DDAH1: variants seen among roughly 807,000 people sequenced by gnomAD.
The protein encoded by DDAH1 is dimethylarginine dimethylaminohydrolase 1, also known as N(G),N(G)-dimethylarginine dimethylaminohydrolase 1.
DDAH1 carries 19 observed loss-of-function variants against 28.8 expected under a neutral mutation model. That is an observed-to-expected ratio of 0.66 (90% CI 0.46 to 0.97). The LOEUF is 0.97. Among genes scored for constraint, DDAH1 ranks in the 50% least tolerant of loss-of-function variants. DDAH1 has a pLI of 0.00. For missense variants in DDAH1, 326 were observed against 375.9 expected, an observed-to-expected ratio of 0.87 and a Z score of 1.10; for synonymous variants, 153 against 154.4, an observed-to-expected ratio of 0.99 and a Z score of 0.07.
At chr1:85,335,854 TGGAA>T (rs1425779029) in intron 4 of DDAH1, among the ~76,000 whole-genome samples, 1 of 151,976 alleles carries the variant, frequency 6.6e-6, no homozygotes. Flanking sequence ...TTCAGCTGCT[TGGAA>T]GGCTGAGGTG....
intron 1 of DDAH1, among the ~76,000 whole-genome samples, chr1:85,575,460 C>T (rs1659575358): frequency 6.6e-6 from 1 of 152,142 alleles, no homozygotes; most frequent in Non-Finnish European, 1.5e-5. Flanking sequence ...TCTTCCCCAC[C>T]AGCCTGCCAA....
intron 1 of DDAH1, among the ~76,000 whole-genome samples, chr1:85,430,197 T>A (rs889675251): frequency 1.3e-5 from 2 of 152,186 alleles, no homozygotes; most frequent in Non-Finnish European, 2.9e-5. Flanking sequence ...TTGTCAAAGA[T>A]CAGATGGTTG....
chr1:85,469,549 G>A (rs1233766851), upstream of DDAH1, among the ~76,000 whole-genome samples: 1 of 152,212 alleles, frequency 6.6e-6, no homozygotes, highest in Non-Finnish European at 1.5e-5. Context: ...TAGATGCTCA[G>A]TAAATATTAT....
intron 4 of DDAH1, among the ~76,000 whole-genome samples, chr1:85,332,633 C>T (rs1647845126): frequency 6.6e-6 from 1 of 152,136 alleles, no homozygotes. Context: ...TGCCCAAGCA[C>T]ATTGCCTGGG....
intron 1 of DDAH1, among the ~76,000 whole-genome samples, chr1:85,525,592 A>G (rs866233573): frequency 0.011 from 597 of 56,398 alleles, 2 homozygotes; most frequent in Non-Finnish European, 0.017. Flanking sequence ...CACACACTCC[A>G]TACCCTTGAA....
rs535722466 is a variant in DDAH1, at chr1:85,392,364, T to C, written c.304-33517A>G. Among the ~76,000 whole-genome samples, 7 of 152,320 alleles carry C rather than the reference T, an allele frequency of 4.6e-5. No homozygotes were observed. In the South Asian group the frequency reaches 1.5e-3, roughly 32 times the overall value. On this transcript the variant is annotated intron_variant, in intron 1 of 5. Coordinates refer to ENST00000284031, the MANE Select transcript of DDAH1 (RefSeq NM_012137.4). ...GCCTACTCTAATTACCTCATTTTAA[T>C]TTGATTACCACTGTGAAGACTCTAT...
intron 1 of DDAH1, among the ~76,000 whole-genome samples, chr1:85,385,818 G>A (rs903986540): frequency 1.3e-5 from 2 of 152,026 alleles, no homozygotes; most frequent in Non-Finnish European, 2.9e-5. Context: ...GGTTGCACAA[G>A]AAGAATGGTG....
intron 1 of DDAH1, among the ~76,000 whole-genome samples, chr1:85,419,184 A>G (rs1192867856): frequency 1.3e-5 from 2 of 152,126 alleles, no homozygotes; most frequent in Non-Finnish European, 2.9e-5. Context: ...ATACCATTAT[A>G]TGAATGGTGT....
chr1:85,405,503 G>A (rs1270897015), intron 1 of DDAH1, among the ~76,000 whole-genome samples: 1 of 152,128 alleles, frequency 6.6e-6, no homozygotes, highest in Non-Finnish European at 1.5e-5. Flanking sequence ...TATTTTTTCT[G>A]TAAGCTTAAA....
chr1:85,487,829 A>ATTGCAGTACACATTGGCACT (rs1553141044), intron 2 of DDAH1, among the ~76,000 whole-genome samples: 3 of 152,096 alleles, frequency 2.0e-5, no homozygotes, highest in Admixed American at 6.6e-5. Context: ...TTTAACTCCC[A>ATTGCAGTACACATTGGCACT]TTGCAGTACA....
intron 1 of DDAH1, chr1:85,447,787 C>T (rs1160643277): frequency 6.6e-6 from 1 of 152,180 alleles, no homozygotes; most frequent in Non-Finnish European, 1.5e-5. Context: ...TCTGAATTTC[C>T]TCATCAACAG....
chr1:85,536,114 G>A (rs1658267579), intron 1 of DDAH1, among the ~76,000 whole-genome samples: 1 of 151,790 alleles, frequency 6.6e-6, no homozygotes, highest in Non-Finnish European at 1.5e-5. Context: ...GCACGTGCCT[G>A]TAATCCCAGC....
chr1:85,533,365 C>G (rs11161628), intron 1 of DDAH1, among the ~76,000 whole-genome samples: 24,799 of 151,770 alleles, frequency 0.16, 2,318 homozygotes, highest in South Asian at 0.22. Flanking sequence ...GAGATGGGGT[C>G]TCACTATATT....
Position 85,513,332 on chromosome 1 carries a change from C to A in DDAH1, c.-122-17051G>T, listed in dbSNP as rs187369174. Reference sequence around the variant, plus strand: ...ACTGAAACTGGATCCCTTCCTTATACCTTATACAAAAATTAACTCAAGATG... The same window carrying A: ...ACTGAAACTGGATCCCTTCCTTATAACTTATACAAAAATTAACTCAAGATG... On this transcript the variant is annotated intron_variant, in intron 1 of 6. Transcript: ENST00000426972. 5.8e-3 allele frequency among the ~76,000 whole-genome samples: 881 copies of A among 152,288 alleles called. 9 individuals are homozygous for A. The highest frequency in any genetic ancestry group is 0.02 in the African/African-American group (845 of 41,552).
intron 1 of DDAH1, among the ~76,000 whole-genome samples, chr1:85,455,367 C>T (rs554681336): frequency 6.9e-4 from 105 of 152,288 alleles, no homozygotes; most frequent in Middle Eastern, 3.4e-3. Flanking sequence ...AAAATGACTA[C>T]ATCTATACCT....
chr1:85,441,295 C>A (rs189408209), intron 1 of DDAH1, among the ~76,000 whole-genome samples: 34 of 152,272 alleles, frequency 2.2e-4, no homozygotes, highest in Admixed American at 5.9e-4. Flanking sequence ...GTAATCCCAG[C>A]ACTTCGGGAG....
At position 85,319,765 on chromosome 1, in the gene DDAH1, GAGA is replaced by G. The variant is rs1306232789; in HGVS notation, c.*1684_*1686del. 6.6e-6 allele frequency: 1 copy of G among 152,186 alleles called. No homozygotes were observed. 9.4% of individuals were successfully genotyped at this position (152,186 alleles called of 1,614,324 possible). ...AATTAAAAAGTTAAGCAACAAGGAA[GAGA>G]AGGAGGAGAAAAAAACTTTTGCAAA... On this transcript the variant is annotated 3_prime_UTR_variant, in exon 6 of 6. Coordinates refer to ENST00000284031, the MANE Select transcript of DDAH1 (RefSeq NM_012137.4).
intron 1 of DDAH1, among the ~76,000 whole-genome samples, chr1:85,571,971 T>G (rs2100568580): frequency 6.6e-6 from 1 of 152,114 alleles, no homozygotes; most frequent in East Asian, 1.9e-4. Context: ...ACATGCAGGG[T>G]GCGCTTGGCA....
At chr1:85,574,043 C>T (rs992514170) in intron 1 of DDAH1, among the ~76,000 whole-genome samples, 1 of 152,220 alleles carries the variant, frequency 6.6e-6, no homozygotes, top group Non-Finnish European at 1.5e-5. Context: ...TAATTGCCAA[C>T]ATTTTAAAAT....
Sources: gnomAD v4.1 joint callset for allele counts (sites outside exome capture counted in the v4.1 genomes callset) on GRCh38, gnomAD v4.1.1 for gene constraint, MANE v1.5 for transcripts, NCBI Gene and HGNC (gene_info 2026-07-23, HGNC 2026-07-21) for gene names.